Variants in LRRC63 observed in about 807,000 individuals in gnomAD.
The protein encoded by LRRC63 is leucine-rich repeat-containing protein 63.
A neutral mutation model predicts 49.5 loss-of-function variants in LRRC63; 40 were observed. The ratio of observed to expected loss-of-function variants is 0.81; its 90% CI spans 0.63 to 1.05. The LOEUF is 1.05. LRRC63 is among the 50% of genes least tolerant of loss of function. The pLI is 0.00. For missense variants in LRRC63, 636 were observed against 663.1 expected (o/e 0.96, Z 0.45); for synonymous variants, 191 against 221.1 (o/e 0.86, Z 1.21).
chr13:46,249,488 C>G (rs2047315207), intron 6 of LRRC63, among the ~76,000 whole-genome samples: 1 of 151,708 alleles, frequency 6.6e-6, no homozygotes, highest in South Asian at 2.1e-4. Flanking sequence ...AAAGAAAATA[C>G]TATAAATAAC....
At chr13:46,258,576 G>A (rs1229472289) in intron 7 of LRRC63, among the ~76,000 whole-genome samples, 8 of 151,064 alleles carry the variant, frequency 5.3e-5, no homozygotes, top group South Asian at 2.1e-4. Flanking sequence ...TTGGGAGGCC[G>A]GGGTGGGCGA....
chr13:46,246,643 G>A lies in LRRC63; in HGVS notation c.1089+18G>A. The A allele has an allele frequency of 1.7e-6, 2 of 1,152,892 alleles. No individual in the cohort carries two copies. The highest frequency in any genetic ancestry group is 2.3e-6 in the Non-Finnish European group (2 of 863,164). 71.4% of individuals were successfully genotyped at this position (1,152,892 alleles called of 1,614,324 possible). ...CCACAGAAGTGAGTCAACTTTTATT[G>A]TTATGTACTGATATAACTTGTCGTG... On this transcript the variant is annotated intron_variant, in intron 6 of 9. Transcript: ENST00000595396.
chr13:46,270,226 G>T, intron 9 of LRRC63: 1 of 868,700 alleles, frequency 1.2e-6, no homozygotes. Context: ...TCATCACATT[G>T]GCAGAATCTC....
At chr13:46,259,863 AC>A (rs1197653723) in intron 7 of LRRC63, among the ~76,000 whole-genome samples, 1 of 152,222 alleles carries the variant, frequency 6.6e-6, no homozygotes, top group African/African-American at 2.4e-5. Context: ...CACTGTTAAT[AC>A]ATGAAATTAT....
chr13:46,218,512 G>T (rs145755007), intron 2 of LRRC63, among the ~76,000 whole-genome samples: 2,017 of 152,140 alleles, frequency 0.013, 47 homozygotes, highest in African/African-American at 0.046. Flanking sequence ...CGTGAGATGG[G>T]TCTCCTGAAT....
intron 8 of LRRC63, among the ~76,000 whole-genome samples, chr13:46,264,015 G>A (rs1197251025): frequency 1.3e-5 from 2 of 152,170 alleles, no homozygotes; most frequent in Non-Finnish European, 2.9e-5. Context: ...TCCTGAGTGA[G>A]TGGACAAGCT....
At chr13:46,228,155 T>G in exon 3 of LRRC63, 4 of 1,549,758 alleles carry the variant, frequency 2.6e-6, no homozygotes, top group Middle Eastern at 1.7e-4. Flanking sequence ...CAACACCAGT[T>G]TTACCAAGAA....
intron 4 of LRRC63, among the ~76,000 whole-genome samples, chr13:46,232,409 A>G (rs1171613492): frequency 6.6e-6 from 1 of 152,242 alleles, no homozygotes; most frequent in Non-Finnish European, 1.5e-5. Context: ...CAAGAAATTT[A>G]TCATAGAGTT....
chr13:46,266,325 G>C (rs754550479), intron 8 of LRRC63, among the ~76,000 whole-genome samples: 5 of 152,176 alleles, frequency 3.3e-5, no homozygotes, highest in Admixed American at 6.5e-5. Flanking sequence ...AATATGTTTT[G>C]ATAGCATAAA....
chr13:46,229,018 A>G (rs988723408), intron 4 of LRRC63, among the ~76,000 whole-genome samples: 2 of 152,240 alleles, frequency 1.3e-5, no homozygotes, highest in African/African-American at 4.8e-5. Context: ...GCCATGTGCC[A>G]GGCAAATCAA....
At chr13:46,258,124 CTTTTTTTTTT>C (rs61630248) in intron 7 of LRRC63, among the ~76,000 whole-genome samples, 2 of 100,582 alleles carry the variant, frequency 2.0e-5, no homozygotes, top group Non-Finnish European at 1.9e-5. Context: ...GTGACCTACT[CTTTTTTTTTT>C]TTTTTTTTTT....
At chr13:46,240,120 CT>C (rs869114056) in intron 5 of LRRC63, among the ~76,000 whole-genome samples, 1 of 133,202 alleles carries the variant, frequency 7.5e-6, no homozygotes, top group African/African-American at 3.3e-5. Context: ...ATCTCTCTCT[CT>C]TTTTCTTTTT....
chr13:46,228,773 G>A (rs566579686), intron 4 of LRRC63, 40 bp downstream of exon 4: 11 of 1,325,256 alleles, frequency 8.3e-6, no homozygotes, highest in Non-Finnish European at 1.2e-5. Flanking sequence ...GAAAATGTAT[G>A]TAAGATTATA....
At chr13:46,231,797 C>A (rs1324202992) in intron 4 of LRRC63, among the ~76,000 whole-genome samples, 1 of 150,134 alleles carries the variant, frequency 6.7e-6, no homozygotes, top group Non-Finnish European at 1.5e-5. Context: ...TGAGCCACCG[C>A]ACCTGGCCTG....
Position 46,259,693 on chromosome 13 carries a change from T to A in LRRC63, c.1227-2216T>A, listed in dbSNP as rs1457250111. Among the ~76,000 whole-genome samples, 3 of 152,244 alleles carry A rather than the reference T, an allele frequency of 2.0e-5. No homozygotes were observed. The East Asian group carries it at 5.8e-4, about 29-fold the overall frequency. On this transcript the variant is annotated intron_variant, in intron 7 of 9. Coordinates refer to ENST00000595396, the Ensembl canonical transcript of LRRC63. ...CACATATCTGATGAAAAGGGATAGC[T>A]ACATTTTATTTCATACCAAATTGGA... is the stretch of plus-strand genomic sequence containing the variant.
chr13:46,234,108 T>A, intron 4 of LRRC63, 84 bp from the exon 5 acceptor site: 1 of 1,278,386 alleles, frequency 7.8e-7, no homozygotes. Flanking sequence ...AACTCAATAT[T>A]ATCATAAGAT....
At chr13:46,230,430 G>A (rs1014907883) in intron 4 of LRRC63, among the ~76,000 whole-genome samples, 7 of 152,214 alleles carry the variant, frequency 4.6e-5, no homozygotes, top group African/African-American at 1.7e-4. Context: ...TAGTTGAGGA[G>A]TAAGGAAGCC....
chr13:46,262,753 A>T (rs1054855817), intron 8 of LRRC63, among the ~76,000 whole-genome samples: 2 of 152,086 alleles, frequency 1.3e-5, no homozygotes, highest in Non-Finnish European at 1.5e-5. Context: ...TGTGATTGTT[A>T]CTATGAATGT....
intron 9 of LRRC63, among the ~76,000 whole-genome samples, chr13:46,272,659 A>G (rs916539425): frequency 1.3e-5 from 2 of 152,342 alleles, no homozygotes; most frequent in Middle Eastern, 3.4e-3. Flanking sequence ...ACAAAGTTAG[A>G]TACAGGGATT....
Sources: gnomAD v4.1 joint callset for allele counts (sites outside exome capture counted in the v4.1 genomes callset) on GRCh38, gnomAD v4.1.1 for gene constraint, MANE v1.5 for transcripts, NCBI Gene and HGNC (gene_info 2026-07-23, HGNC 2026-07-21) for gene names.